Variants in ATG4A observed in about 807,000 individuals in gnomAD.
ATG4A encodes autophagy related 4A cysteine peptidase.
ATG4A carries 22 observed loss-of-function variants against 38.4 expected under a neutral mutation model. That is an observed-to-expected ratio of 0.57 (90% CI 0.41 to 0.82). ATG4A has a LOEUF of 0.82. Among genes scored for constraint, ATG4A ranks in the 40% least tolerant of loss-of-function variants. ATG4A has a pLI of 0.00. For synonymous variants in ATG4A, 86 were observed against 100.7 expected (o/e 0.85, Z 0.88); for missense variants, 220 against 290.0 (o/e 0.76, Z 1.75).
chrX:108,138,876 G>A lies in ATG4A; in HGVS notation c.814+685G>A, dbSNP rs780154229. On this transcript the variant is annotated intron_variant, in intron 9 of 12. Transcript: ENST00000372232. ...TCAGTAGGTCTTGGGTGCGGCCTGAGTTTCTGCATTTCTAACTAGGTGGTG... is the reference window on the plus strand; with the variant it reads ...TCAGTAGGTCTTGGGTGCGGCCTGAATTTCTGCATTTCTAACTAGGTGGTG... Among the ~76,000 whole-genome samples, 3 of 111,930 alleles carry A rather than the reference G, an allele frequency of 2.7e-5. No homozygotes were observed. The East Asian group carries it at 8.4e-4, about 31-fold the overall frequency.
chrX:108,097,703 T>C (rs2031870277), intron 1 of ATG4A, among the ~76,000 whole-genome samples: 3 of 111,856 alleles, frequency 2.7e-5, no homozygotes, highest in African/African-American at 9.8e-5. Context: ...GTGAATATAT[T>C]CTATACTGAA....
intron 4 of ATG4A, among the ~76,000 whole-genome samples, chrX:108,132,011 G>A (rs974489096): frequency 2.7e-5 from 3 of 110,765 alleles, no homozygotes; most frequent in South Asian, 3.9e-4. Context: ...GCAATTCTCC[G>A]CCTCAGCCTC....
chrX:108,143,211 G>A (rs1021261161), intron 9 of ATG4A, among the ~76,000 whole-genome samples: 20 of 112,481 alleles, frequency 1.8e-4, no homozygotes, highest in African/African-American at 6.5e-4. Context: ...AGGAGGAAAT[G>A]TTCATGACAA....
intron 6 of ATG4A, among the ~76,000 whole-genome samples, chrX:108,136,391 A>G (rs1451321294): frequency 9.0e-6 from 1 of 111,289 alleles, no homozygotes; most frequent in African/African-American, 3.3e-5. Flanking sequence ...GGTACTTTAC[A>G]TAGACTTCAG....
At chrX:108,092,121 C>G (rs1231089234) in intron 1 of ATG4A, among the ~76,000 whole-genome samples, 1 of 110,888 alleles carries the variant, frequency 9.0e-6, no homozygotes, top group African/African-American at 3.3e-5. Flanking sequence ...ACTCTGACAT[C>G]TCGGCGGTGT....
At chrX:108,091,697 A>G (rs2031626523), upstream of ATG4A, 19 of 980,475 alleles carry the variant, frequency 1.9e-5, no homozygotes, top group Non-Finnish European at 1.7e-5. Context: ...AGTTCCGGGC[A>G]GGGAGGCGCC....
intron 2 of ATG4A, chrX:108,127,072 G>A: frequency 5.4e-6 from 1 of 184,578 alleles, no homozygotes; most frequent in Non-Finnish European, 1.1e-5. Flanking sequence ...GAGACCTTTT[G>A]TATTCAGACT....
At chrX:108,134,309 A>G in intron 5 of ATG4A, 30 bp from the exon 6 acceptor site, 2 of 1,191,882 alleles carry the variant, frequency 1.7e-6, no homozygotes, top group Non-Finnish European at 2.3e-6. Flanking sequence ...TCTTTTGCTA[A>G]CATGTTATTT....
intron 3 of ATG4A, among the ~76,000 whole-genome samples, chrX:108,129,204 A>G (rs2032883092): frequency 8.9e-6 from 1 of 112,544 alleles, no homozygotes; most frequent in Non-Finnish European, 1.9e-5. Context: ...GTGGAACTAC[A>G]TGATTATTAA....
Position 108,132,687 on chromosome X carries a change from A to T in ATG4A, c.292+1329A>T, listed in dbSNP as rs975898474. On this transcript the variant is annotated intron_variant, in intron 4 of 12. Coordinates refer to ENST00000372232, the MANE Select transcript of ATG4A (RefSeq NM_052936.5). ...CCTTGTCCAGTGATTTCCCTTGTTT[A>T]TACATGCTTCTTGGTGTAGATCCAT... is the stretch of plus-strand genomic sequence containing the variant. Among the ~76,000 whole-genome samples the T allele has an allele frequency of 2.7e-5, 3 of 110,175 alleles. No individual in the cohort carries two copies. The East Asian group carries it at 8.5e-4, about 31-fold the overall frequency.
chrX:108,121,328 T>C (rs1455204128), intron 1 of ATG4A, among the ~76,000 whole-genome samples: 2 of 111,593 alleles, frequency 1.8e-5, no homozygotes, highest in African/African-American at 6.5e-5. Flanking sequence ...TCAAAAGCCC[T>C]GTGCAGGTTG....
chrX:108,096,159 TG>T (rs1377420828), intron 1 of ATG4A, among the ~76,000 whole-genome samples: 3 of 112,796 alleles, frequency 2.7e-5, no homozygotes, highest in Non-Finnish European at 5.6e-5. Flanking sequence ...ACATTACTTG[TG>T]ATTCAAATAA....
chrX:108,145,467 C>T (rs1044483311), intron 9 of ATG4A, among the ~76,000 whole-genome samples: 1 of 112,297 alleles, frequency 8.9e-6, no homozygotes, highest in Non-Finnish European at 1.9e-5. Context: ...TTAATTTGCT[C>T]GAGCAATGAA....
chrX:108,099,711 G>C (rs2031945765), intron 1 of ATG4A, among the ~76,000 whole-genome samples: 1 of 111,479 alleles, frequency 9.0e-6, no homozygotes, highest in Admixed American at 9.5e-5. Context: ...AATTTTTTTG[G>C]ATTATTGATA....
intron 2 of ATG4A, 35 bp from the exon 3 acceptor site, chrX:108,128,746 T>C: frequency 3.0e-6 from 3 of 1,010,476 alleles, no homozygotes; most frequent in Non-Finnish European, 4.1e-6. Context: ...TTTTTAGATA[T>C]GGTGATTTAA....
At chrX:108,106,250 T>C (rs775399977) in intron 1 of ATG4A, among the ~76,000 whole-genome samples, 50 of 111,747 alleles carry the variant, frequency 4.5e-4, no homozygotes, top group Non-Finnish European at 7.7e-4. Flanking sequence ...CTTTCTGTTA[T>C]TGAGTTCTAG....
intron 1 of ATG4A, among the ~76,000 whole-genome samples, chrX:108,117,439 A>G (rs1404675513): frequency 8.9e-6 from 1 of 112,139 alleles, no homozygotes; most frequent in Non-Finnish European, 1.9e-5. Context: ...ACTGAAGAAG[A>G]ATGATTCATC....
chrX:108,090,042 A>G (rs2031558178), upstream of ATG4A, among the ~76,000 whole-genome samples: 1 of 111,997 alleles, frequency 8.9e-6, no homozygotes, highest in Non-Finnish European at 1.9e-5. Context: ...AGATTTAACA[A>G]CAAACATCTT....
chrX:108,123,602 A>G (rs2032715512), intron 1 of ATG4A, among the ~76,000 whole-genome samples: 1 of 111,959 alleles, frequency 8.9e-6, no homozygotes, highest in Non-Finnish European at 1.9e-5. Flanking sequence ...CGATTCAAGG[A>G]TGGCTGTGGC....
Sources: allele counts gnomAD v4.1 joint callset (sites outside exome capture counted in the v4.1 genomes callset), GRCh38; gene constraint gnomAD v4.1.1; transcripts MANE v1.5; gene names NCBI Gene and HGNC (gene_info 2026-07-23, HGNC 2026-07-21).